ZBTB38: variants seen among roughly 807,000 people sequenced by gnomAD.
ZBTB38 encodes the protein zinc finger and BTB domain-containing protein 38.
In ZBTB38, 20 loss-of-function variants were observed where a neutral mutation model predicts 76.8. The ratio of observed to expected loss-of-function variants is 0.26; its 90% CI spans 0.18 to 0.38. ZBTB38 has a LOEUF of 0.38. Among genes scored for constraint, ZBTB38 ranks in the 10% least tolerant of loss-of-function variants. The pLI, the probability that ZBTB38 is intolerant of heterozygous loss-of-function variation, is 1.00. For synonymous variants in ZBTB38, 504 were observed against 544.2 expected (o/e 0.93, Z 1.03); for missense variants, 1,082 against 1,482.3 (o/e 0.73, Z 4.43).
chr3:141,426,270 C>T, intron 5 of ZBTB38: 2 of 1,079,720 alleles, frequency 1.9e-6, no homozygotes, highest in Non-Finnish European at 2.5e-6. Flanking sequence ...TGCCCAGACC[C>T]TGTCTCCCAA....
chr3:141,390,650 G>A (rs900614823), intron 4 of ZBTB38, among the ~76,000 whole-genome samples: 2 of 152,222 alleles, frequency 1.3e-5, no homozygotes, highest in Non-Finnish European at 2.9e-5. Flanking sequence ...TAAGTTCCTG[G>A]TACCATGTGG....
chr3:141,404,600 C>T (rs1198281516), intron 5 of ZBTB38, among the ~76,000 whole-genome samples: 3 of 152,140 alleles, frequency 2.0e-5, no homozygotes, highest in Non-Finnish European at 4.4e-5. Flanking sequence ...CAGATGGTGA[C>T]AATAACAACT....
At chr3:141,419,395 T>C (rs1201205950) in intron 5 of ZBTB38, among the ~76,000 whole-genome samples, 1 of 152,210 alleles carries the variant, frequency 6.6e-6, no homozygotes, top group African/African-American at 2.4e-5. Context: ...GACACTGAAT[T>C]TGGCATAAAA....
intron 4 of ZBTB38, among the ~76,000 whole-genome samples, chr3:141,399,568 T>C (rs913399688): frequency 5.9e-5 from 9 of 152,014 alleles, no homozygotes; most frequent in African/African-American, 2.2e-4. Flanking sequence ...GGAGGCCAAG[T>C]TATAGAATTT....
At position 141,445,185 on chromosome 3, in the gene ZBTB38, A is replaced by C. The variant is rs1460329893; in HGVS notation, c.2797A>C (p.Lys933Gln). The change falls in exon 6 of 6, where the codon AAA (lysine) becomes CAA (glutamine). Residue 933 changes from lysine to glutamine, a missense_variant. Physicochemically the swap from Lys to Gln is moderately conservative, Grantham distance 53 (BLOSUM62 1). Coordinates refer to ENST00000321464, the MANE Select transcript of ZBTB38 (RefSeq NM_001376113.1). The surrounding 1 kb of genome is among the most constrained non-coding windows in gnomAD (Gnocchi z 6.5). The stretch of plus-strand genomic sequence containing the variant: ...CAAAAAGAAATCCAGACAGTTGAAA[A>C]AAATGAGGAAAGTCAACTGGAGGAA... ...KPKKKSRQLK[K>Q]MRKVNWRKEH... is the part of the protein sequence containing the mutation. 1 of 1,614,192 alleles carries C rather than the reference A, an allele frequency of 6.2e-7. No individual in the cohort carries two copies. Among genetic ancestry groups the C allele is most frequent in the Non-Finnish European group, 8.5e-7 (1 of 1,180,034 alleles).
At chr3:141,398,157 G>A (rs1473895307) in intron 4 of ZBTB38, among the ~76,000 whole-genome samples, 1 of 152,216 alleles carries the variant, frequency 6.6e-6, no homozygotes, top group East Asian at 1.9e-4. Flanking sequence ...GCCAGATGTG[G>A]CCCGAGGGAC....
rs768256196 is a variant in ZBTB38 at position 141,443,636 on chromosome 3, A to T, written c.1248A>T (p.Gly416=). ...TTTTAGAAAACTATCCTACCATTGG[A>T]CAAAATGGAGGTTCATTCACAGGTC... ...QRFLENYPTI[G]QNGGSFTGPE... The change falls in exon 6 of 6, where the codon GGA becomes GGT. Residue 416 remains glycine, a synonymous_variant. Coordinates refer to ENST00000321464, the MANE Select transcript of ZBTB38 (RefSeq NM_001376113.1). This position sits in a 1 kb window ranked among gnomAD's most constrained non-coding sequence, Gnocchi z 5.6. 4.5e-5 allele frequency: 73 copies of T among 1,614,226 alleles called. No homozygotes were observed. Among genetic ancestry groups the T allele is most frequent in the Middle Eastern group, 1.6e-4 (1 of 6,062 alleles).
At chr3:141,373,321 C>G (rs1559924983) in intron 2 of ZBTB38, among the ~76,000 whole-genome samples, 1 of 152,114 alleles carries the variant, frequency 6.6e-6, no homozygotes, top group Non-Finnish European at 1.5e-5. Flanking sequence ...ATTTGAGGCA[C>G]TATAGTCTTT....
chr3:141,426,120 C>A (rs1460926507), intron 5 of ZBTB38: 2 of 1,289,024 alleles, frequency 1.6e-6, no homozygotes, highest in Admixed American at 4.6e-5. Context: ...TAAAGCAGTT[C>A]TCAGACAGGC....
At chr3:141,364,676 T>TAAAAA (rs59398877), upstream of ZBTB38, among the ~76,000 whole-genome samples, 31 of 43,428 alleles carry the variant, frequency 7.1e-4, 2 homozygotes, top group East Asian at 7.6e-3. Context: ...AAACTACATC[T>TAAAAA]AAAAAAAAAA....
At chr3:141,416,817 C>T (rs1186161901) in intron 5 of ZBTB38, among the ~76,000 whole-genome samples, 1 of 152,136 alleles carries the variant, frequency 6.6e-6, no homozygotes, top group Non-Finnish European at 1.5e-5. Context: ...CAGCCACAGG[C>T]CAAGGAGAGA....
In ZBTB38 at chr3:141,444,246, G is replaced by A. The variant is rs1368860383; in HGVS notation, c.1858G>A (p.Asp620Asn). 4 of 1,614,190 alleles carry A rather than the reference G, an allele frequency of 2.5e-6. No homozygotes were observed. Among genetic ancestry groups the A allele is most frequent in the Non-Finnish European group, 3.4e-6 (4 of 1,180,042 alleles). Reference sequence around the variant, plus strand: ...TGAATTACCAACGCTGAATTTCCAAGATACTGTAAACACCCTGACCAACAG... The same window carrying A: ...TGAATTACCAACGCTGAATTTCCAAAATACTGTAAACACCCTGACCAACAG... ...SSELPTLNFQ[D>N]TVNTLTNSPA... The change falls in exon 6 of 6, where the codon GAT becomes AAT. Residue 620 changes from aspartate to asparagine, a missense_variant. Transcript: ENST00000321464. This position sits in a 1 kb window ranked among gnomAD's most constrained non-coding sequence, Gnocchi z 5.1.
chr3:141,415,935 A>G (rs1032733528), intron 5 of ZBTB38, among the ~76,000 whole-genome samples: 1 of 152,204 alleles, frequency 6.6e-6, no homozygotes, highest in Non-Finnish European at 1.5e-5. Flanking sequence ...TGTATCAGGG[A>G]ACTGACATAA....
At chr3:141,439,739 A>G (rs182251412) in intron 5 of ZBTB38, among the ~76,000 whole-genome samples, 70 of 152,384 alleles carry the variant, frequency 4.6e-4, no homozygotes, top group African/African-American at 1.3e-3. Context: ...TGATGTCAGC[A>G]TAGACCTAAG....
intron 1 of ZBTB38, among the ~76,000 whole-genome samples, chr3:141,363,157 C>T (rs958424055): frequency 5.3e-5 from 8 of 152,046 alleles, no homozygotes; most frequent in African/African-American, 1.9e-4. Context: ...ATAAACAATA[C>T]CAGTTAATAA....
At chr3:141,417,736 G>T (rs2074394603) in intron 5 of ZBTB38, among the ~76,000 whole-genome samples, 1 of 152,128 alleles carries the variant, frequency 6.6e-6, no homozygotes, top group Non-Finnish European at 1.5e-5. Context: ...AAAAGCCCAG[G>T]CTGTGCGCAG....
At chr3:141,337,761 C>T (rs1446036307) in intron 1 of ZBTB38, among the ~76,000 whole-genome samples, 1 of 152,140 alleles carries the variant, frequency 6.6e-6, no homozygotes, top group Non-Finnish European at 1.5e-5. Context: ...CACCTTCATC[C>T]CTTATCTCAA....
chr3:141,409,408 A>G (rs113861493), intron 5 of ZBTB38, among the ~76,000 whole-genome samples: 3,979 of 151,898 alleles, frequency 0.026, 70 homozygotes, highest in Non-Finnish European at 0.042. Flanking sequence ...TTCTCTCCAC[A>G]CTCTGGGCTG....
At chr3:141,332,347 T>C (rs1942880308) in intron 1 of ZBTB38, among the ~76,000 whole-genome samples, 1 of 152,172 alleles carries the variant, frequency 6.6e-6, no homozygotes, top group South Asian at 2.1e-4. Context: ...CTGTGTCTTG[T>C]CTACACACCC....
Sources: allele counts gnomAD v4.1 joint callset (sites outside exome capture counted in the v4.1 genomes callset), GRCh38; gene constraint gnomAD v4.1.1; non-coding constraint Gnocchi (gnomAD v3.1); transcripts MANE v1.5; gene names NCBI Gene and HGNC (gene_info 2026-07-23, HGNC 2026-07-21).